The following PPP6R1 variants were observed in gnomAD, a reference collection of about 807,000 sequenced individuals.
PPP6R1 encodes the protein protein phosphatase 6 regulatory subunit 1.
A neutral mutation model predicts 104.6 loss-of-function variants in PPP6R1; 39 were observed. The ratio of observed to expected loss-of-function variants is 0.37; its 90% CI spans 0.29 to 0.49. The LOEUF (loss-of-function observed/expected upper bound fraction) is 0.49. Ranked by LOEUF, PPP6R1 falls within the 20% of genes least tolerant of loss-of-function variation. The pLI is 0.98. For missense variants in PPP6R1, 1,181 were observed against 1,155.8 expected, an observed-to-expected ratio of 1.02 and a Z score of -0.32; for synonymous variants, 549 against 479.0, an observed-to-expected ratio of 1.15 and a Z score of -1.91.
Position 55,245,972 on chromosome 19 carries a change from T to C in PPP6R1, c.228-294A>G, listed in dbSNP as rs1192989532. On this transcript the variant is annotated intron_variant, in intron 2 of 23. Coordinates refer to ENST00000412770, the MANE Select transcript of PPP6R1 (RefSeq NM_014931.4). The surrounding 1 kb of genome is among the most constrained non-coding windows in gnomAD (Gnocchi z 6.4). ...TCCCCCAGCAGCTAACACTCATCCCTTTTGCCTCTCAGCGGCTTCACTTGC... is the reference window on the plus strand; with the variant it reads ...TCCCCCAGCAGCTAACACTCATCCCCTTTGCCTCTCAGCGGCTTCACTTGC... Among the ~76,000 whole-genome samples, 3 of 152,044 alleles carry C rather than the reference T, an allele frequency of 2.0e-5. No homozygotes were observed. Among genetic ancestry groups the C allele is most frequent in the African/African-American group, 7.2e-5 (3 of 41,412 alleles).
intron 17 of PPP6R1, chr19:55,232,444 C>T (rs527689353): frequency 6.0e-4 from 304 of 506,802 alleles, no homozygotes; most frequent in African/African-American, 2.9e-3. Flanking sequence ...GTAAGGAGAC[C>T]GTCCGTCGCC....
At position 55,252,341 on chromosome 19, in the gene PPP6R1, T is replaced by C. The variant is rs147871735; in HGVS notation, c.-6-5232A>G. 4.2e-3 allele frequency among the ~76,000 whole-genome samples: 608 copies of C among 145,326 alleles called. 3 individuals are homozygous for C. Among genetic ancestry groups the C allele is most frequent in the African/African-American group, 0.015 (571 of 38,986 alleles). On this transcript the variant is annotated intron_variant, in intron 1 of 23. Transcript: ENST00000412770. ...AGCTCCTGGGTTCAAGCATATCTCC[T>C]GCCTCAGCCTCCCGAGTAGTGGGGA...
intron 2 of PPP6R1, 24 bp downstream of exon 2, chr19:55,246,853 C>T (rs1237636788): frequency 1.3e-6 from 2 of 1,543,198 alleles, no homozygotes; most frequent in African/African-American, 1.4e-5. Context: ...TAGGGACGGG[C>T]TGGCCAGGAG....
At chr19:55,235,680 G>A (rs182704072) in intron 17 of PPP6R1, among the ~76,000 whole-genome samples, 70 of 151,570 alleles carry the variant, frequency 4.6e-4, no homozygotes, top group African/African-American at 1.4e-3. Context: ...CACCACGCCC[G>A]GCAAATTTTT....
At chr19:55,230,738 A>ACCCGCCCCCC in intron 22 of PPP6R1, 36 bp downstream of exon 22, 1 of 925,648 alleles carries the variant, frequency 1.1e-6, no homozygotes, top group Non-Finnish European at 1.6e-6. Flanking sequence ...CACCAGCCCC[A>ACCCGCCCCCC]CCCCCACCCC....
At chr19:55,235,542 A>G (rs749197328) in intron 17 of PPP6R1, among the ~76,000 whole-genome samples, 3 of 150,190 alleles carry the variant, frequency 2.0e-5, no homozygotes, top group Admixed American at 6.6e-5. Flanking sequence ...TTTCTGAGAC[A>G]GAGTCTCGCT....
chr19:55,240,439 G>A (rs937940519), intron 10 of PPP6R1, 139 bp from the exon 11 acceptor site: 13 of 863,264 alleles, frequency 1.5e-5, no homozygotes, highest in African/African-American at 1.0e-4. Context: ...GGGAAGGAGG[G>A]ATGCAAGCTG....
intron 17 of PPP6R1, among the ~76,000 whole-genome samples, chr19:55,235,027 TG>T (rs1050664394): frequency 6.6e-6 from 1 of 152,164 alleles, no homozygotes; most frequent in Non-Finnish European, 1.5e-5. Context: ...ACTCAGGATC[TG>T]TATGTACACT....
At position 55,230,460 on chromosome 19, in the gene PPP6R1, G is replaced by C; in HGVS notation, c.*68C>G. 4 of 1,584,416 alleles carry C rather than the reference G, an allele frequency of 2.5e-6. No individual in the cohort carries two copies. The highest frequency in any genetic ancestry group is 3.5e-6 in the Non-Finnish European group (4 of 1,156,606). ...GGCAATGGGGGCCATCGTGGGACCC[G>C]CCCTGCCCCCACCCCGGGAGATCCA... On this transcript the variant is annotated 3_prime_UTR_variant, in exon 24 of 24. Coordinates refer to ENST00000412770, the MANE Select transcript of PPP6R1 (RefSeq NM_014931.4).
At chr19:55,246,583 A>G (rs2087510607) in intron 2 of PPP6R1, among the ~76,000 whole-genome samples, 3 of 152,232 alleles carry the variant, frequency 2.0e-5, no homozygotes, top group Non-Finnish European at 2.9e-5. Flanking sequence ...ATGTCGTCAC[A>G]TGCCTGTGGT....
chr19:55,242,573 G>C lies in PPP6R1; in HGVS notation c.619-85C>G, dbSNP rs1404518017. ...GTGCTGGGAGCCCCTCCCATGAGCT[G>C]ACCATCCAGGGAAAAATGGTCACCC... On this transcript the variant is annotated intron_variant, in intron 5 of 23. Coordinates refer to ENST00000412770, the MANE Select transcript of PPP6R1 (RefSeq NM_014931.4). 4 of 1,169,248 alleles carry C rather than the reference G, an allele frequency of 3.4e-6. No individual in the cohort carries two copies. In the East Asian group the frequency reaches 9.4e-5, roughly 28 times the overall value. The allele number at this position is 1,169,248 out of a possible 1,614,324, so 72.4% of individuals were successfully genotyped here. A position where few individuals can be genotyped will look rare whatever the true frequency, so the allele number is the denominator to read the frequency against.
rs756955975 is a variant in PPP6R1, at chr19:55,241,291, T to C, written c.1109A>G (p.Asp370Gly). The C allele has an allele frequency of 1.2e-6, 2 of 1,610,778 alleles. No homozygotes were observed. The highest frequency in any genetic ancestry group is 1.7e-5 in the Admixed American group (1 of 59,902). The change falls in exon 9 of 24, where the codon GAT becomes GGT. Residue 370 changes from aspartate to glycine, a missense_variant. Asp to Gly is a moderately conservative substitution (Grantham distance 94). This residue lies in a region of PPP6R1 where 1,042 missense variants were observed against 955.6 expected (regional missense o/e 1.09). Coordinates refer to ENST00000412770, the MANE Select transcript of PPP6R1 (RefSeq NM_014931.4). The surrounding 1 kb of genome is among the most constrained non-coding windows in gnomAD (Gnocchi z 5.4). Reference protein sequence around the residue: ...KLLASALSANDAALTHELLAL... With the variant: ...KLLASALSANGAALTHELLAL... ...CAGGAGCTCGTGCGTCAGGGCTGCA[T>C]CATTGGCGCTCAGGGCACTGGCCAG... is the stretch of plus-strand genomic sequence containing the variant.
At chr19:55,255,386 A>G (rs2087585099) in intron 1 of PPP6R1, among the ~76,000 whole-genome samples, 1 of 152,226 alleles carries the variant, frequency 6.6e-6, no homozygotes, top group Non-Finnish European at 1.5e-5. Context: ...AGTGTGATCC[A>G]AAGTCAGAAA....
rs756734157 is a variant in PPP6R1, at chr19:55,242,233, G to T, written c.778C>A (p.Gln260Lys). Reference protein sequence around the residue: ...QLLSNMFEGEQSQSVIVSGIQ... With the variant: ...QLLSNMFEGEKSQSVIVSGIQ... ...CCACTGACGATGACAGACTGGCTCT[G>T]CTCCCCCTCGAACATGTTGCTTAAG... Residue 260 changes from glutamine to lysine, a missense_variant, in exon 7 of 24, where the codon CAG becomes AAG. Physicochemically the swap from Gln to Lys is moderately conservative, Grantham distance 53 (BLOSUM62 1). Around this residue, in one of 2 missense-constraint regions of PPP6R1, gnomAD observed 1,042 missense variants for 955.6 expected, o/e 1.09. Coordinates refer to ENST00000412770, the MANE Select transcript of PPP6R1 (RefSeq NM_014931.4). The T allele has an allele frequency of 1.2e-5, 20 of 1,613,800 alleles. No homozygotes were observed. The highest frequency in any genetic ancestry group is 1.7e-5 in the Non-Finnish European group (20 of 1,179,896).
In PPP6R1 at chr19:55,241,553, A is replaced by G. The variant is rs1400779218; in HGVS notation, c.932T>C (p.Val311Ala). 8.9e-6 allele frequency: 14 copies of G among 1,580,516 alleles called. No individual in the cohort carries two copies. Among genetic ancestry groups the G allele is most frequent in the Non-Finnish European group, 1.2e-5 (14 of 1,164,526 alleles). ...GGCGTGCAAGGCGCCCACACTGGACACAGTGCTTTCCAGGGCCCCCTGGGC... is the reference window on the plus strand; with the variant it reads ...GGCGTGCAAGGCGCCCACACTGGACGCAGTGCTTTCCAGGGCCCCCTGGGC... ...LLAQGALEST[V>A]SSVGALHALR... Residue 311 changes from valine to alanine, a missense_variant, in exon 8 of 24, where the codon GTG (valine) becomes GCG (alanine). By Grantham distance (64) the Val-to-Ala change is moderately conservative. This residue lies in a region of PPP6R1 where 1,042 missense variants were observed against 955.6 expected (regional missense o/e 1.09). Coordinates refer to ENST00000412770, the MANE Select transcript of PPP6R1 (RefSeq NM_014931.4). The surrounding 1 kb of genome is among the most constrained non-coding windows in gnomAD (Gnocchi z 5.4).
At chr19:55,255,027 G>C (rs544606724) in intron 1 of PPP6R1, among the ~76,000 whole-genome samples, 11 of 152,318 alleles carry the variant, frequency 7.2e-5, no homozygotes, top group South Asian at 6.2e-4. Flanking sequence ...AGAGGAGAAG[G>C]GGGAGCGGCC....
Position 55,240,238 on chromosome 19 carries a change from T to C in PPP6R1, c.1359A>G (p.Val453=). The change falls in exon 11 of 24, where the codon GTA becomes GTG. Residue 453 remains valine, a splice_region_variant and synonymous_variant. Transcript: ENST00000412770. ...ILTSWEENDR[V]QCAGGPRKGY... ...CATGAAGGGCAGCAGGTGCTCACTG[T>C]ACACGGTCGTTCTCCTCCCAGGACG... The C allele has an allele frequency of 6.3e-7, 1 of 1,589,790 alleles. No individual in the cohort carries two copies. Among genetic ancestry groups the C allele is most frequent in the Non-Finnish European group, 8.6e-7 (1 of 1,168,658 alleles).
rs193047727 is a variant in PPP6R1 at position 55,241,117 on chromosome 19, G to A, written c.1162-38C>T. 1,555 of 1,365,644 alleles carry A rather than the reference G, an allele frequency of 1.1e-3. 14 individuals carry two copies. The African/African-American group carries it at 0.02, about 18-fold the overall frequency. The allele number at this position is 1,365,644 out of a possible 1,614,324, so 84.6% of individuals were successfully genotyped here. A position where few individuals can be genotyped will look rare whatever the true frequency, so the allele number is the denominator to read the frequency against. On this transcript the variant is annotated intron_variant, in intron 9 of 23. Coordinates refer to ENST00000412770, the MANE Select transcript of PPP6R1 (RefSeq NM_014931.4). This position sits in a 1 kb window ranked among gnomAD's most constrained non-coding sequence, Gnocchi z 5.4. ...ACAGGATTGGTACCAGAGAGGCCCCGCCCCAGCCGAGCCCCCAACCCCTGA... is the reference window on the plus strand; with the variant it reads ...ACAGGATTGGTACCAGAGAGGCCCCACCCCAGCCGAGCCCCCAACCCCTGA...
intron 15 of PPP6R1, 135 bp downstream of exon 15, chr19:55,239,270 G>T: frequency 2.4e-6 from 2 of 831,944 alleles, no homozygotes; most frequent in Non-Finnish European, 3.9e-6. Context: ...CACGGCCAAC[G>T]CGTGCCCAGG....
Sources: allele counts gnomAD v4.1 joint callset (sites outside exome capture counted in the v4.1 genomes callset), GRCh38; gene constraint gnomAD v4.1.1; regional missense constraint gnomAD v4.1.1; non-coding constraint Gnocchi (gnomAD v3.1); transcripts MANE v1.5; gene names NCBI Gene and HGNC (gene_info 2026-07-23, HGNC 2026-07-21).